ATP2B2: variants seen among roughly 807,000 people sequenced by gnomAD.
The protein encoded by ATP2B2 is plasma membrane calcium-transporting ATPase 2.
A neutral mutation model predicts 120.0 loss-of-function variants in ATP2B2; 15 were observed. The ratio of observed to expected loss-of-function variants is 0.12; its 90% confidence interval spans 0.08 to 0.19. The LOEUF is 0.19. Among genes scored for constraint, ATP2B2 ranks in the 10% least tolerant of loss-of-function variants. The pLI, the probability that ATP2B2 is intolerant of heterozygous loss-of-function variation, is 1.00. For missense variants in ATP2B2, 1,045 were observed against 1,719.8 expected (o/e 0.61, Z 6.94); for synonymous variants, 694 against 700.3 (o/e 0.99, Z 0.14).
intron 2 of ATP2B2, among the ~76,000 whole-genome samples, chr3:10,546,957 T>C (rs2067560567): frequency 6.6e-6 from 1 of 152,174 alleles, no homozygotes; most frequent in Admixed American, 6.5e-5. Context: ...GAGTCAAAAA[T>C]AGACCCCAAG....
At chr3:10,435,312 A>T (rs2063446397) in intron 2 of ATP2B2, among the ~76,000 whole-genome samples, 1 of 152,156 alleles carries the variant, frequency 6.6e-6, no homozygotes. Flanking sequence ...GTCCCAAATA[A>T]GGAGGAAGCA....
chr3:10,478,598 CA>C (rs1326671277), intron 1 of ATP2B2, among the ~76,000 whole-genome samples: 1 of 152,174 alleles, frequency 6.6e-6, no homozygotes, highest in African/African-American at 2.4e-5. Context: ...CTGTTGCCAC[CA>C]AAGGCCTCAT....
At chr3:10,541,154 T>C (rs2067430954) in intron 2 of ATP2B2, among the ~76,000 whole-genome samples, 1 of 152,172 alleles carries the variant, frequency 6.6e-6, no homozygotes, top group Non-Finnish European at 1.5e-5. Context: ...TCTTTCTGTC[T>C]TGTTCTCTTT....
intron 12 of ATP2B2, among the ~76,000 whole-genome samples, chr3:10,362,819 C>G (rs2060939825): frequency 6.6e-6 from 1 of 152,220 alleles, no homozygotes. Flanking sequence ...TCTTCCCTTT[C>G]TCTCTGCAGT....
At chr3:10,414,696 ACCC>A (rs1396061589) in intron 2 of ATP2B2, among the ~76,000 whole-genome samples, 1 of 151,736 alleles carries the variant, frequency 6.6e-6, no homozygotes, top group African/African-American at 2.4e-5. Flanking sequence ...CTAGTTTGAG[ACCC>A]CCAAGGCTAT....
At chr3:10,503,265 G>A (rs902607091) in intron 1 of ATP2B2, among the ~76,000 whole-genome samples, 3 of 152,242 alleles carry the variant, frequency 2.0e-5, no homozygotes, top group East Asian at 1.9e-4. Flanking sequence ...ATAGCAGCGG[G>A]CTGGTTTCCT....
At chr3:10,490,867 AT>A (rs1315605835) in intron 1 of ATP2B2, among the ~76,000 whole-genome samples, 1 of 152,166 alleles carries the variant, frequency 6.6e-6, no homozygotes, top group Non-Finnish European at 1.5e-5. Flanking sequence ...AGAAGCCTCT[AT>A]CTGCTCCTGT....
At chr3:10,529,500 G>C (rs1410099041) in intron 3 of ATP2B2, among the ~76,000 whole-genome samples, 1 of 152,126 alleles carries the variant, frequency 6.6e-6, no homozygotes, top group Non-Finnish European at 1.5e-5. Flanking sequence ...GATGCCAATG[G>C]GCATCTCCTG....
At chr3:10,571,282 A>G (rs1575508914) in intron 2 of ATP2B2, among the ~76,000 whole-genome samples, 1 of 152,230 alleles carries the variant, frequency 6.6e-6, no homozygotes, top group East Asian at 1.9e-4. Flanking sequence ...TCCTTGTATG[A>G]GGCCAGGAGG....
At chr3:10,670,962 T>C (rs1425478563) in intron 1 of ATP2B2, among the ~76,000 whole-genome samples, 1 of 152,222 alleles carries the variant, frequency 6.6e-6, no homozygotes, top group Non-Finnish European at 1.5e-5. Context: ...CTTTGGTGCA[T>C]GGAGGCTGTA....
chr3:10,440,100 TAAAAAAAAAAAAAAAAA>T (rs71055819), intron 2 of ATP2B2, among the ~76,000 whole-genome samples: 1 of 28,142 alleles, frequency 3.6e-5, no homozygotes, highest in Non-Finnish European at 6.0e-5. Flanking sequence ...AGACTCTATC[TAAAAAAAAAAAAAAAAA>T]AAAAAAAAAA....
Position 10,388,355 on chromosome 3 carries a change from CCACAGCAGT to C in ATP2B2, c.820_828del (p.Thr274_Val276del). The C allele has an allele frequency of 6.2e-7, 1 of 1,614,164 alleles. No homozygotes were observed. The highest frequency in any genetic ancestry group is 8.5e-7 in the Non-Finnish European group (1 of 1,180,020). On this transcript the variant is annotated inframe_deletion, in exon 6 of 23. Coordinates refer to ENST00000360273, the MANE Select transcript of ATP2B2 (RefSeq NM_001001331.4). ...ATGATGCCAGTCTGAGAGTTCACAC[CCACAGCAGT>C]CACCAACATCCGTCCTGAGCCCTCC...
Position 10,696,025 on chromosome 3 carries a change from G to A in ATP2B2, c.-460+11890C>T, listed in dbSNP as rs144373218. Among the ~76,000 whole-genome samples the A allele has an allele frequency of 1.5e-3, 222 of 152,228 alleles. 1 individual carries two copies. The highest frequency in any genetic ancestry group is 5.1e-3 in the African/African-American group (213 of 41,546). ...GCCACCCACTCTGAGTAAGGAACTT[G>A]AACAACTTCTGTCAAAGATAGTTCT... On this transcript the variant is annotated intron_variant, in intron 1 of 21. Transcript: ENST00000646379.
Position 10,410,792 on chromosome 3 carries a change from G to A in ATP2B2, c.223C>T (p.Leu75=). The change falls in exon 3 of 23, where the codon CTG becomes TTG. Residue 75 remains leucine, a synonymous_variant. Coordinates refer to ENST00000360273, the MANE Select transcript of ATP2B2 (RefSeq NM_001001331.4). ...CCAAAAATTTGCTTTCTCTTTTCCAGGTCTGGAGCGGTGCCCGGCAAACCT... is the reference window on the plus strand; with the variant it reads ...CCAAAAATTTGCTTTCTCTTTTCCAAGTCTGGAGCGGTGCCCGGCAAACCT... ...VEGLPGTAPD[L]EKRKQIFGQN... 1 of 1,614,080 alleles carries A rather than the reference G, an allele frequency of 6.2e-7. No individual in the cohort carries two copies. The highest frequency in any genetic ancestry group is 8.5e-7 in the Non-Finnish European group (1 of 1,180,046).
chr3:10,501,239 C>T lies in ATP2B2; in HGVS notation c.-320+4226G>A, dbSNP rs187906108. On this transcript the variant is annotated intron_variant, in intron 1 of 22. Transcript: ENST00000360273. ...GTGAATGACACTTCTAAGGCTTTTA[C>T]CGTCACTCCCGCTTCCCCCTGCCTC... is the stretch of plus-strand genomic sequence containing the variant. Among the ~76,000 whole-genome samples, 481 of 152,318 alleles carry T rather than the reference C, an allele frequency of 3.2e-3. 1 individual carries two copies. The highest frequency in any genetic ancestry group is 4.5e-3 in the Non-Finnish European group (303 of 68,016).
At chr3:10,679,773 G>A (rs1050938123) in intron 1 of ATP2B2, among the ~76,000 whole-genome samples, 3 of 152,200 alleles carry the variant, frequency 2.0e-5, no homozygotes, top group Non-Finnish European at 4.4e-5. Flanking sequence ...AGAAAGATAT[G>A]TGCAATCTGG....
At chr3:10,436,948 T>C (rs936524222) in intron 2 of ATP2B2, among the ~76,000 whole-genome samples, 3 of 152,222 alleles carry the variant, frequency 2.0e-5, no homozygotes, top group Non-Finnish European at 4.4e-5. Context: ...TTTTTCAACA[T>C]CACATTATTT....
chr3:10,549,902 C>T (rs894230655), intron 2 of ATP2B2, among the ~76,000 whole-genome samples: 1 of 152,250 alleles, frequency 6.6e-6, no homozygotes, highest in African/African-American at 2.4e-5. Context: ...GGGCGTCTGA[C>T]CTTACCTAGT....
At chr3:10,362,719 T>C (rs2060937518) in intron 12 of ATP2B2, among the ~76,000 whole-genome samples, 1 of 152,116 alleles carries the variant, frequency 6.6e-6, no homozygotes, top group Non-Finnish European at 1.5e-5. Flanking sequence ...AATGCCCCAC[T>C]CCCAAGCTCT....
Sources: allele counts gnomAD v4.1 joint callset (sites outside exome capture counted in the v4.1 genomes callset), GRCh38; gene constraint gnomAD v4.1.1; transcripts MANE v1.5; gene names NCBI Gene and HGNC (gene_info 2026-07-23, HGNC 2026-07-21).